The following ASAP2 variants were observed in gnomAD, a reference collection of about 807,000 sequenced individuals.
ASAP2 encodes arf-GAP with SH3 domain, ANK repeat and PH domain-containing protein 2.
A neutral mutation model predicts 131.4 loss-of-function variants in ASAP2; 45 were observed. That is an observed-to-expected ratio of 0.34 (90% CI 0.27 to 0.44). ASAP2 has a LOEUF of 0.44. Ranked by LOEUF, ASAP2 falls within the 20% of genes least tolerant of loss-of-function variation. ASAP2 has a pLI of 1.00. For synonymous variants in ASAP2, 510 were observed against 503.0 expected (o/e 1.01, Z -0.19); for missense variants, 1,011 against 1,297.0 (o/e 0.78, Z 3.39).
chr2:9,213,586 A>G (rs1020382633), intron 1 of ASAP2, among the ~76,000 whole-genome samples: 1 of 152,164 alleles, frequency 6.6e-6, no homozygotes, highest in Non-Finnish European at 1.5e-5. Context: ...GCAGTCATCT[A>G]GGCAAGAGGT....
intron 1 of ASAP2, among the ~76,000 whole-genome samples, chr2:9,257,410 T>C (rs914942343): frequency 1.3e-5 from 2 of 152,200 alleles, no homozygotes; most frequent in South Asian, 4.1e-4. Context: ...ATAGCTTTAT[T>C]TTCTTGGTTT....
intron 1 of ASAP2, among the ~76,000 whole-genome samples, chr2:9,237,925 G>T (rs565670761): frequency 6.6e-6 from 1 of 152,316 alleles, no homozygotes; most frequent in East Asian, 1.9e-4. Flanking sequence ...AGAGCCCTGA[G>T]GTGAGGTAAA....
chr2:9,210,307 T>C (rs1025827484), intron 1 of ASAP2, among the ~76,000 whole-genome samples: 1 of 152,252 alleles, frequency 6.6e-6, no homozygotes, highest in Non-Finnish European at 1.5e-5. Flanking sequence ...TTTTCTTATT[T>C]TCCTCAGCTT....
chr2:9,229,349 C>T (rs1459876846), intron 1 of ASAP2, among the ~76,000 whole-genome samples: 1 of 152,028 alleles, frequency 6.6e-6, no homozygotes, highest in Non-Finnish European at 1.5e-5. Context: ...CTCAGCCCCA[C>T]CTCTGTTGTC....
rs756279360 is a variant in ASAP2, at chr2:9,388,296, C to T, written c.2133C>T (p.Pro711=). ...SDDDMDEKLQ[P]SPNRREDRPI... is the part of the protein sequence containing the mutation. The stretch of plus-strand genomic sequence containing the variant: ...TCTGCCCCAATGTTCTCCTGCAGCC[C>T]AGTCCCAACCGGCGGGAAGACCGGC... Residue 711 remains proline (P), a splice_region_variant and synonymous_variant, in exon 22 of 28, where the codon CCC becomes CCT. Transcript: ENST00000281419. 1.2e-6 allele frequency: 2 copies of T among 1,613,866 alleles called. No individual in the cohort carries two copies. Among genetic ancestry groups the T allele is most frequent in the Non-Finnish European group, 8.5e-7 (1 of 1,180,010 alleles).
chr2:9,341,319 C>T (rs1369391009), intron 9 of ASAP2, among the ~76,000 whole-genome samples: 2 of 152,198 alleles, frequency 1.3e-5, no homozygotes, highest in Non-Finnish European at 2.9e-5. Context: ...CGCACTAAAA[C>T]AGTTTCAATT....
In ASAP2 at chr2:9,311,513, C is replaced by G. The variant is rs1410468357; in HGVS notation, c.346-7011C>G. Among the ~76,000 whole-genome samples, 1 of 152,156 alleles carries G rather than the reference C, an allele frequency of 6.6e-6. No individual in the cohort carries two copies. Among genetic ancestry groups the G allele is most frequent in the Non-Finnish European group, 1.5e-5 (1 of 68,030 alleles). Reference sequence around the variant, plus strand: ...AAGTGAGTCAGAACATAAGAGAAAGCCCTATGCTTTCTTGGTGCTAAGGAA... The same window carrying G: ...AAGTGAGTCAGAACATAAGAGAAAGGCCTATGCTTTCTTGGTGCTAAGGAA... On this transcript the variant is annotated intron_variant, in intron 3 of 27. Coordinates refer to ENST00000281419, the MANE Select transcript of ASAP2 (RefSeq NM_003887.3). The surrounding 1 kb of genome is among the most constrained non-coding windows in gnomAD (Gnocchi z 5.2).
At chr2:9,247,655 A>T (rs1413793491) in intron 1 of ASAP2, among the ~76,000 whole-genome samples, 2 of 152,188 alleles carry the variant, frequency 1.3e-5, no homozygotes, top group African/African-American at 2.4e-5. Context: ...TTTGGGAATG[A>T]TACTCAGTCA....
At chr2:9,378,356 T>A (rs1268096351) in intron 18 of ASAP2, among the ~76,000 whole-genome samples, 1 of 152,218 alleles carries the variant, frequency 6.6e-6, no homozygotes, top group African/African-American at 2.4e-5. Flanking sequence ...GAAGAACTTT[T>A]GAAAATCTCA....
At chr2:9,356,428 A>C in intron 14 of ASAP2, 83 bp downstream of exon 14, 2 of 1,423,094 alleles carry the variant, frequency 1.4e-6, no homozygotes. Context: ...ATTGATTTTC[A>C]CTTTCATTTC....
intron 3 of ASAP2, among the ~76,000 whole-genome samples, chr2:9,317,174 C>T (rs1189425477): frequency 8.1e-6 from 1 of 123,286 alleles, no homozygotes; most frequent in Non-Finnish European, 1.7e-5. Flanking sequence ...ACTCTCACCA[C>T]ACTCAACACA....
intron 25 of ASAP2, 39 bp downstream of exon 25, chr2:9,400,111 G>T (rs1558405621): frequency 4.4e-6 from 7 of 1,590,800 alleles, no homozygotes; most frequent in Non-Finnish European, 3.4e-6. Flanking sequence ...TTTCTGCTTG[G>T]TCCATGGGGG....
At chr2:9,370,561 G>A (rs975918827) in intron 16 of ASAP2, among the ~76,000 whole-genome samples, 1 of 152,164 alleles carries the variant, frequency 6.6e-6, no homozygotes, top group Non-Finnish European at 1.5e-5. Flanking sequence ...CCGGCAGATT[G>A]TTTAACTTCT....
intron 3 of ASAP2, among the ~76,000 whole-genome samples, chr2:9,299,281 G>A (rs1025327898): frequency 1.1e-4 from 17 of 152,138 alleles, no homozygotes; most frequent in African/African-American, 3.9e-4. Context: ...GACAGCAGCC[G>A]GAGGATTCAG....
rs1232194752 is a variant in ASAP2, at chr2:9,403,277, G to C, written c.2971G>C (p.Gly991Arg). 2 of 1,613,986 alleles carry C rather than the reference G, an allele frequency of 1.2e-6. No homozygotes were observed. The highest frequency in any genetic ancestry group is 2.7e-5 in the African/African-American group (2 of 74,928). ...GATTGGCCACATTGATGGAGATCCTGGTCGCAAAGGCGCATTCCCGGTGTC... is the reference window on the plus strand; with the variant it reads ...GATTGGCCACATTGATGGAGATCCTCGTCGCAAAGGCGCATTCCCGGTGTC... ...WWIGHIDGDPGRKGAFPVSFV... is the reference protein window; with the variant it reads ...WWIGHIDGDPRRKGAFPVSFV... The change falls in exon 28 of 28, where the codon GGT becomes CGT. Residue 991 changes from glycine (G) to arginine (R), a missense_variant. Coordinates refer to ENST00000281419, the MANE Select transcript of ASAP2 (RefSeq NM_003887.3).
chr2:9,253,057 C>A (rs1474680892), intron 1 of ASAP2, among the ~76,000 whole-genome samples: 1 of 152,174 alleles, frequency 6.6e-6, no homozygotes, highest in Non-Finnish European at 1.5e-5. Context: ...CCAAGCCAAT[C>A]CCGAGGCAAC....
chr2:9,330,136 T>C (rs1214866460), intron 7 of ASAP2, among the ~76,000 whole-genome samples: 1 of 152,176 alleles, frequency 6.6e-6, no homozygotes, highest in African/African-American at 2.4e-5. Context: ...TTAATACAGC[T>C]TTGATGATGT....
At chr2:9,329,565 A>C (rs1033954458) in intron 7 of ASAP2, among the ~76,000 whole-genome samples, 1 of 152,108 alleles carries the variant, frequency 6.6e-6, no homozygotes, top group Admixed American at 6.5e-5. Flanking sequence ...TAACAAGATT[A>C]CTCTGTGTGT....
At chr2:9,227,118 G>A (rs780586617) in intron 1 of ASAP2, among the ~76,000 whole-genome samples, 54 of 152,174 alleles carry the variant, frequency 3.5e-4, no homozygotes, top group Non-Finnish European at 6.5e-4. Flanking sequence ...GCCATCCGGC[G>A]TCTCCAGCCC....
Sources: allele counts gnomAD v4.1 joint callset (sites outside exome capture counted in the v4.1 genomes callset), GRCh38; gene constraint gnomAD v4.1.1; non-coding constraint Gnocchi (gnomAD v3.1); transcripts MANE v1.5; gene names NCBI Gene and HGNC (gene_info 2026-07-23, HGNC 2026-07-21).